MYL4: variants seen among roughly 807,000 people sequenced by gnomAD.
MYL4 encodes the protein atrial myosin light chain 1.
MYL4 carries 16 observed loss-of-function variants against 21.6 expected under a neutral mutation model. The observed-to-expected ratio is 0.74, with a 90% confidence interval of 0.50 to 1.12. The LOEUF (loss-of-function observed/expected upper bound fraction) is 1.12. Among genes scored for constraint, MYL4 ranks in the 50% most tolerant of loss-of-function variants. MYL4 has a pLI of 0.00. For missense variants in MYL4, 249 were observed against 252.9 expected, an observed-to-expected ratio of 0.98 and a Z score of 0.11; for synonymous variants, 82 against 95.7, an observed-to-expected ratio of 0.86 and a Z score of 0.83.
At position 47,215,894 on chromosome 17, in the gene MYL4, A is replaced by C. The variant is rs534943772; in HGVS notation, c.163+2068A>C. Among the ~76,000 whole-genome samples the C allele has an allele frequency of 3.9e-4, 59 of 152,208 alleles. 2 individuals are homozygous for C. Among genetic ancestry groups the C allele is most frequent in the Admixed American group, 3.5e-3 (53 of 15,272 alleles). ...TAACCTTGAATTCCTGGTTTTAAGC[A>C]ATCCTTTCACCTCAGTCTCCTGAGT... is the stretch of plus-strand genomic sequence containing the variant. On this transcript the variant is annotated intron_variant, in intron 2 of 6. Coordinates refer to ENST00000393450, the MANE Select transcript of MYL4 (RefSeq NM_002476.2).
rs886037778 is a variant in MYL4 at position 47,209,453 on chromosome 17, G to A, written c.31G>A (p.Glu11Lys). 1 of 1,614,152 alleles carries A rather than the reference G, an allele frequency of 6.2e-7. No individual in the cohort carries two copies. The highest frequency in any genetic ancestry group is 8.5e-7 in the Non-Finnish European group (1 of 1,180,034). MAPKKPEPKK[E>K]AAKPAPAPAP... ...TCCCAAGAAGCCTGAGCCTAAGAAG[G>A]AGGCAGCCAAGCCAGCTCCAGCTCC... is the stretch of plus-strand genomic sequence containing the variant. Residue 11 changes from glutamate (E) to lysine (K), a missense_variant, in exon 1 of 7, where the codon GAG becomes AAG. Glu to Lys is a moderately conservative substitution (Grantham distance 56). Coordinates refer to ENST00000393450, the MANE Select transcript of MYL4 (RefSeq NM_002476.2).
At chr17:47,198,619 T>C (rs983283098), upstream of MYL4, among the ~76,000 whole-genome samples, 10 of 152,172 alleles carry the variant, frequency 6.6e-5, no homozygotes, top group South Asian at 1.0e-3. Context: ...ATTTGGGAGA[T>C]AGAGGCTGAT....
chr17:47,191,984 G>C, the MYL4 span, among the ~76,000 whole-genome samples: 1 of 152,210 alleles, frequency 6.6e-6, no homozygotes. Context: ...AGCATTTAAA[G>C]AGCCTCTGAT....
intron 1 of MYL4, 51 bp downstream of exon 1, chr17:47,209,608 C>A: frequency 6.2e-7 from 1 of 1,614,074 alleles, no homozygotes; most frequent in Non-Finnish European, 8.5e-7. Flanking sequence ...ATTGAGAGTC[C>A]TTTTGCTCTG....
chr17:47,208,421 G>A (rs757756247), upstream of MYL4, among the ~76,000 whole-genome samples: 6 of 152,056 alleles, frequency 3.9e-5, no homozygotes, highest in African/African-American at 9.7e-5. Context: ...GCAACAGAGC[G>A]ATACCTTGTT....
chr17:47,221,338 A>C (rs2064854262), intron 3 of MYL4, among the ~76,000 whole-genome samples: 1 of 152,054 alleles, frequency 6.6e-6, no homozygotes, highest in African/African-American at 2.4e-5. Context: ...GCCGCGTGGC[A>C]CTTCAGACCC....
upstream of MYL4, among the ~76,000 whole-genome samples, chr17:47,204,535 C>G (rs2064720248): frequency 6.6e-6 from 1 of 152,160 alleles, no homozygotes; most frequent in Non-Finnish European, 1.5e-5. Context: ...GTAGTTATAA[C>G]AGCCACATTT....
At chr17:47,195,836 C>T (rs2149036343), upstream of MYL4, among the ~76,000 whole-genome samples, 1 of 152,326 alleles carries the variant, frequency 6.6e-6, no homozygotes, top group East Asian at 1.9e-4. Context: ...TCCCATCACT[C>T]TTTGCTGTAA....
chr17:47,218,801 A>C (rs1332622364), intron 2 of MYL4, among the ~76,000 whole-genome samples: 4 of 152,172 alleles, frequency 2.6e-5, no homozygotes, highest in Non-Finnish European at 5.9e-5. Context: ...AAAAACAAAA[A>C]CAAAACCAAA....
intron 2 of MYL4, among the ~76,000 whole-genome samples, chr17:47,217,921 A>G (rs964983599): frequency 7.9e-5 from 12 of 152,186 alleles, no homozygotes; most frequent in Non-Finnish European, 4.4e-5. Context: ...TAATGCCTGT[A>G]ATCCTAGCTA....
At chr17:47,208,550 TAC>T (rs55886095), upstream of MYL4, among the ~76,000 whole-genome samples, 20,751 of 145,610 alleles carry the variant, frequency 0.14, 1,480 homozygotes, top group South Asian at 0.21. Flanking sequence ...TAGTAAGCAC[TAC>T]ACACACACAC....
At chr17:47,221,564 T>A in intron 3 of MYL4, 118 bp from the exon 4 acceptor site, 1 of 1,166,412 alleles carries the variant, frequency 8.6e-7, no homozygotes, top group Non-Finnish European at 1.2e-6. Context: ...CACCCAGAAT[T>A]GGCTGCAGCC....
upstream of MYL4, chr17:47,209,191 T>C (rs2064752772): frequency 1.5e-6 from 1 of 648,924 alleles, no homozygotes; most frequent in African/African-American, 1.8e-5. Flanking sequence ...GGGAGGGGGC[T>C]GGTGGCCCCA....
Position 47,222,550 on chromosome 17 carries a change from T to C in MYL4, c.565+93T>C, listed in dbSNP as rs530167437. On this transcript the variant is annotated intron_variant, in intron 5 of 6. Coordinates refer to ENST00000393450, the MANE Select transcript of MYL4 (RefSeq NM_002476.2). ...GGGCCCAGGAGCTGGAGGGTATGTG[T>C]CTGAGGTGGGTTTTTGTAGACCCCC... 578 of 1,221,346 alleles carry C rather than the reference T, an allele frequency of 4.7e-4. 7 individuals are homozygous for C. In the South Asian group the frequency reaches 6.2e-3, roughly 13 times the overall value. 75.7% of individuals were successfully genotyped at this position (1,221,346 alleles called of 1,614,324 possible).
At chr17:47,225,855 C>CTTTTTTTT (rs60342000), downstream of MYL4, among the ~76,000 whole-genome samples, 2 of 113,304 alleles carry the variant, frequency 1.8e-5, no homozygotes, top group Admixed American at 9.4e-5. Context: ...TCCTTCCCTT[C>CTTTTTTTT]TTTTTTTTTT....
intron 3 of MYL4, among the ~76,000 whole-genome samples, chr17:47,220,968 C>T (rs555999711): frequency 1.3e-4 from 20 of 152,020 alleles, no homozygotes; most frequent in East Asian, 7.7e-4. Context: ...AAGGTAACCG[C>T]GGGGGTGAAG....
At chr17:47,208,550 T>TACACAC (rs55886095), upstream of MYL4, among the ~76,000 whole-genome samples, 850 of 145,958 alleles carry the variant, frequency 5.8e-3, 3 homozygotes, top group African/African-American at 0.013. Context: ...TAGTAAGCAC[T>TACACAC]ACACACACAC....
At position 47,221,979 on chromosome 17, in the gene MYL4, A is replaced by G. The variant is rs1218612430; in HGVS notation, c.487+124A>G. ...GGGTCTTTGCATCCTGAGGATAATG[A>G]CCTGATCCAGGCCCTGTCTCCCTGG... On this transcript the variant is annotated intron_variant, in intron 4 of 6. Coordinates refer to ENST00000393450, the MANE Select transcript of MYL4 (RefSeq NM_002476.2). The G allele has an allele frequency of 9.0e-6, 10 of 1,116,038 alleles. No individual in the cohort carries two copies. The Admixed American group carries it at 2.7e-4, about 30-fold the overall frequency. 69.1% of individuals were successfully genotyped at this position (1,116,038 alleles called of 1,614,324 possible).
At chr17:47,208,663 TACC>T (rs1190347069), upstream of MYL4, among the ~76,000 whole-genome samples, 9 of 152,114 alleles carry the variant, frequency 5.9e-5, no homozygotes, top group Admixed American at 2.6e-4. Flanking sequence ...CTCGACTTTC[TACC>T]ACATCTCTCT....
Sources: gnomAD v4.1 joint callset for allele counts (sites outside exome capture counted in the v4.1 genomes callset) on GRCh38, gnomAD v4.1.1 for gene constraint, MANE v1.5 for transcripts, NCBI Gene and HGNC (gene_info 2026-07-23, HGNC 2026-07-21) for gene names.